PTPRM: variants seen among roughly 807,000 people sequenced by gnomAD.
PTPRM encodes receptor-type tyrosine-protein phosphatase mu.
In PTPRM, 47 loss-of-function variants were observed where a neutral mutation model predicts 186.7. The ratio of observed to expected loss-of-function variants is 0.25; its 90% CI spans 0.20 to 0.32. The LOEUF (loss-of-function observed/expected upper bound fraction) is 0.32. Among genes scored for constraint, PTPRM ranks in the 10% least tolerant of loss-of-function variants. The pLI, the probability that PTPRM is intolerant of heterozygous loss-of-function variation, is 1.00. For synonymous variants in PTPRM, 668 were observed against 674.9 expected, an observed-to-expected ratio of 0.99 and a Z score of 0.16; for missense variants, 1,494 against 1,865.0, an observed-to-expected ratio of 0.80 and a Z score of 3.66.
intron 5 of PTPRM, among the ~76,000 whole-genome samples, chr18:7,948,534 A>G (rs1342797206): frequency 6.6e-6 from 1 of 152,176 alleles, no homozygotes; most frequent in Non-Finnish European, 1.5e-5. Context: ...AAACTGCCCC[A>G]GCTGTGGAAC....
intron 22 of PTPRM, among the ~76,000 whole-genome samples, chr18:8,338,372 T>TTA (rs10641994): frequency 6.8e-6 from 1 of 148,076 alleles, no homozygotes; most frequent in Non-Finnish European, 1.5e-5. Flanking sequence ...TTGTAATGCT[T>TTA]AAAAAAAAAA....
chr18:7,682,459 C>G (rs921500687), intron 1 of PTPRM, among the ~76,000 whole-genome samples: 1 of 152,222 alleles, frequency 6.6e-6, no homozygotes, highest in Non-Finnish European at 1.5e-5. Context: ...AAGTTTCACT[C>G]ATTTCTGCTC....
At chr18:7,622,191 A>T (rs2037955980) in intron 1 of PTPRM, among the ~76,000 whole-genome samples, 1 of 152,182 alleles carries the variant, frequency 6.6e-6, no homozygotes, top group South Asian at 2.1e-4. Flanking sequence ...TAAAAATTGA[A>T]TTTTTATAAA....
chr18:7,598,474 T>G (rs2037319545), intron 1 of PTPRM, among the ~76,000 whole-genome samples: 1 of 152,240 alleles, frequency 6.6e-6, no homozygotes, highest in Admixed American at 6.5e-5. Context: ...TACTGCAGGC[T>G]TAGTTCTATG....
intron 22 of PTPRM, among the ~76,000 whole-genome samples, chr18:8,342,856 A>G (rs2095482888): frequency 6.6e-6 from 1 of 152,214 alleles, no homozygotes; most frequent in Non-Finnish European, 1.5e-5. Context: ...ATGTTCTGCC[A>G]GGAATCTTTA....
intron 32 of PTPRM, among the ~76,000 whole-genome samples, chr18:8,398,503 C>T (rs1267226124): frequency 2.0e-5 from 3 of 152,184 alleles, no homozygotes; most frequent in Middle Eastern, 3.4e-3. Context: ...CGGTGGCTCA[C>T]GCCTGTAATC....
At chr18:8,302,415 C>T (rs929887022) in intron 20 of PTPRM, among the ~76,000 whole-genome samples, 7 of 152,046 alleles carry the variant, frequency 4.6e-5, no homozygotes, top group African/African-American at 1.7e-4. Flanking sequence ...AGGTGGAAGC[C>T]AGACCTACAG....
At chr18:8,378,114 C>T (rs2095708240) in intron 26 of PTPRM, 151 bp from the exon 27 acceptor site, 1 of 727,320 alleles carries the variant, frequency 1.4e-6, no homozygotes, top group Non-Finnish European at 2.2e-6. Context: ...TGGCATTGCA[C>T]CCCAGTCTCC....
intron 2 of PTPRM, among the ~76,000 whole-genome samples, chr18:7,784,531 A>G (rs9961614): frequency 0.016 from 2,412 of 152,218 alleles, 43 homozygotes; most frequent in African/African-American, 0.049. Context: ...AGCTTCTCCA[A>G]ACTTTTCTAG....
rs535174413 is a variant in PTPRM at position 8,112,955 on chromosome 18, G to A, written c.1857-531G>A. Among the ~76,000 whole-genome samples, 5 of 152,252 alleles carry A rather than the reference G, an allele frequency of 3.3e-5. No individual in the cohort carries two copies. In the East Asian group the frequency reaches 5.8e-4, roughly 18 times the overall value. On this transcript the variant is annotated intron_variant, in intron 11 of 32. Transcript: ENST00000580170. ...GCATTTCTTTCCACTGACTGAATAC[G>A]GTGAGTGCAAAGGAACATAAGAAAA...
At chr18:7,997,293 C>T (rs1171118059) in intron 7 of PTPRM, among the ~76,000 whole-genome samples, 1 of 152,134 alleles carries the variant, frequency 6.6e-6, no homozygotes. Flanking sequence ...AGGGAGATGA[C>T]AGTCTCTTCA....
At chr18:8,247,260 G>A (rs1357886218) in intron 15 of PTPRM, among the ~76,000 whole-genome samples, 2 of 152,210 alleles carry the variant, frequency 1.3e-5, no homozygotes, top group African/African-American at 4.8e-5. Context: ...GAGAGGAAGA[G>A]AAGGTGCAAT....
At chr18:8,403,285 C>T (rs1043474995) in intron 32 of PTPRM, 1 of 152,098 alleles carries the variant, frequency 6.6e-6, no homozygotes, top group Non-Finnish European at 1.5e-5. Context: ...TTTCTACTAG[C>T]GATTTGTTTA....
At chr18:8,072,640 A>T (rs999318831) in intron 8 of PTPRM, among the ~76,000 whole-genome samples, 8 of 152,176 alleles carry the variant, frequency 5.3e-5, no homozygotes, top group African/African-American at 1.9e-4. Context: ...CAAAAGTTAT[A>T]ATTCATTGAA....
chr18:7,795,220 T>C (rs1035790692), intron 2 of PTPRM, among the ~76,000 whole-genome samples: 3 of 152,158 alleles, frequency 2.0e-5, no homozygotes, highest in Admixed American at 1.3e-4. Flanking sequence ...TGGTGGCCAG[T>C]GGTGTCATTT....
chr18:8,337,583 C>A (rs2095447173), intron 22 of PTPRM, among the ~76,000 whole-genome samples: 1 of 152,166 alleles, frequency 6.6e-6, no homozygotes, highest in African/African-American at 2.4e-5. Context: ...AGGCATGAGG[C>A]CACGTTAGGA....
intron 19 of PTPRM, among the ~76,000 whole-genome samples, chr18:8,286,816 G>T (rs924113538): frequency 6.6e-6 from 1 of 151,970 alleles, no homozygotes; most frequent in East Asian, 1.9e-4. Flanking sequence ...TCTAAATTTT[G>T]ATCTTTAGTT....
At chr18:7,683,327 G>A (rs1784620) in intron 1 of PTPRM, among the ~76,000 whole-genome samples, 22,036 of 151,814 alleles carry the variant, frequency 0.15, 2,518 homozygotes, top group East Asian at 0.4. Flanking sequence ...GTGCCACCGT[G>A]CCTGGCTAAT....
At position 7,822,082 on chromosome 18, in the gene PTPRM, C is replaced by T. The variant is rs544712387; in HGVS notation, c.196+47811C>T. 4.6e-5 allele frequency among the ~76,000 whole-genome samples: 7 copies of T among 152,270 alleles called. No homozygotes were observed. In the East Asian group the frequency reaches 1.4e-3, roughly 29 times the overall value. On this transcript the variant is annotated intron_variant, in intron 2 of 32. Coordinates refer to ENST00000580170, the MANE Select transcript of PTPRM (RefSeq NM_001105244.2). ...CTCCAAATATAGTTCTACTTCCTTC[C>T]TTCGTCAAATATTATTTTACATTTA...
Sources: gnomAD v4.1 joint callset for allele counts (sites outside exome capture counted in the v4.1 genomes callset) on GRCh38, gnomAD v4.1.1 for gene constraint, MANE v1.5 for transcripts, NCBI Gene and HGNC (gene_info 2026-07-23, HGNC 2026-07-21) for gene names.